STARD13: variants seen among roughly 807,000 people sequenced by gnomAD.
The protein encoded by STARD13 is StAR related lipid transfer domain containing 13.
A neutral mutation model predicts 106.4 loss-of-function variants in STARD13; 62 were observed. The observed-to-expected ratio is 0.58, with a 90% CI of 0.48 to 0.72. The LOEUF is 0.72. STARD13 is among the 30% of genes least tolerant of loss of function. The pLI, the probability that STARD13 is intolerant of heterozygous loss-of-function variation, is 0.00. For synonymous variants in STARD13, 565 were observed against 553.0 expected, an observed-to-expected ratio of 1.02 and a Z score of -0.31; for missense variants, 1,387 against 1,424.0, an observed-to-expected ratio of 0.97 and a Z score of 0.42.
chr13:33,445,326 C>T, the STARD13 span, among the ~76,000 whole-genome samples: 1 of 152,050 alleles, frequency 6.6e-6, no homozygotes, highest in African/African-American at 2.4e-5. Flanking sequence ...CAGAACTCAC[C>T]TGCTGGTTTC....
chr13:33,157,987 AC>A lies in STARD13; in HGVS notation c.323+7349del, dbSNP rs530995498. 4.6e-5 allele frequency among the ~76,000 whole-genome samples: 7 copies of A among 152,330 alleles called. No homozygotes were observed. In the South Asian group the frequency reaches 8.3e-4, roughly 18 times the overall value. On this transcript the variant is annotated intron_variant, in intron 3 of 13. Transcript: ENST00000336934. The stretch of plus-strand genomic sequence containing the variant: ...TTTTCAATTAAGAATTCAATAAAAA[AC>A]ATCAGAATACAATTACAATTGTGGT...
chr13:33,112,764 A>T lies in STARD13; in HGVS notation c.2449T>A (p.Ser817Thr), dbSNP rs1487648797. The change falls in exon 9 of 14, where the codon TCC becomes ACC. Residue 817 changes from serine to threonine, a missense_variant. Ser to Thr is a moderately conservative substitution (Grantham distance 58). Coordinates refer to ENST00000336934, the MANE Select transcript of STARD13 (RefSeq NM_178006.4). The stretch of plus-strand genomic sequence containing the variant: ...TTCAATAAATTAAGATGAAAGAGGG[A>T]GGGGGCCAGACACACTGCCAGGTTC... ...PMNLAVCLAP[S>T]LFHLNLLKKE... 6.2e-7 allele frequency: 1 copy of T among 1,608,862 alleles called. No homozygotes were observed. The highest frequency in any genetic ancestry group is 2.2e-5 in the East Asian group (1 of 44,782).
intron 1 of STARD13, among the ~76,000 whole-genome samples, chr13:33,199,793 A>G (rs946583037): frequency 6.6e-6 from 1 of 152,178 alleles, no homozygotes; most frequent in Admixed American, 6.5e-5. Context: ...TTAGTTTGAG[A>G]AATTGTATCT....
At chr13:33,319,065 T>A (rs1385996129) in intron 1 of STARD13, among the ~76,000 whole-genome samples, 1 of 152,142 alleles carries the variant, frequency 6.6e-6, no homozygotes, top group African/African-American at 2.4e-5. Context: ...CCAAGAAAAT[T>A]AAAAACATTT....
At chr13:33,628,240 T>A in the STARD13 span, among the ~76,000 whole-genome samples, 1 of 151,964 alleles carries the variant, frequency 6.6e-6, no homozygotes, top group Admixed American at 6.6e-5. Flanking sequence ...CTTTTATTTA[T>A]CCCAGAAATT....
At chr13:33,403,178 C>T in the STARD13 span, among the ~76,000 whole-genome samples, 2 of 152,228 alleles carry the variant, frequency 1.3e-5, no homozygotes, top group African/African-American at 4.8e-5. Context: ...CTGCGTGTTC[C>T]CCCTCCTGTC....
the STARD13 span, among the ~76,000 whole-genome samples, chr13:33,534,709 T>C: frequency 6.6e-6 from 1 of 152,166 alleles, no homozygotes; most frequent in African/African-American, 2.4e-5. Context: ...TTCTTCTAAG[T>C]GTCTAGTATA....
chr13:33,544,623 G>C, the STARD13 span, among the ~76,000 whole-genome samples: 2 of 151,842 alleles, frequency 1.3e-5, no homozygotes, highest in Non-Finnish European at 2.9e-5. Flanking sequence ...ATGGGCCTTC[G>C]TGAAAAGAAG....
the STARD13 span, among the ~76,000 whole-genome samples, chr13:33,584,824 T>C: frequency 6.6e-6 from 1 of 151,910 alleles, no homozygotes; most frequent in Non-Finnish European, 1.5e-5. Context: ...GTCCTCATGA[T>C]AGGGAGTGAA....
chr13:33,641,493 C>A, the STARD13 span, among the ~76,000 whole-genome samples: 4 of 152,112 alleles, frequency 2.6e-5, no homozygotes, highest in African/African-American at 7.2e-5. Flanking sequence ...GTTTCTATGA[C>A]CCACCTTGGG....
At chr13:33,153,813 A>G (rs1435524670) in intron 3 of STARD13, among the ~76,000 whole-genome samples, 1 of 152,226 alleles carries the variant, frequency 6.6e-6, no homozygotes, top group Non-Finnish European at 1.5e-5. Context: ...ACTCTTACAG[A>G]CAATTCTGAT....
chr13:33,585,865 T>C, the STARD13 span, among the ~76,000 whole-genome samples: 1 of 152,182 alleles, frequency 6.6e-6, no homozygotes, highest in South Asian at 2.1e-4. Context: ...ATTTCACTCA[T>C]ATGAATTACT....
the STARD13 span, among the ~76,000 whole-genome samples, chr13:33,569,532 A>G: frequency 1.7e-4 from 25 of 147,830 alleles, 3 homozygotes; most frequent in Middle Eastern, 3.5e-3. Flanking sequence ...ATAGTCTTAT[A>G]TAATTAGAGC....
chr13:33,149,320 A>G (rs1325460556), intron 3 of STARD13, among the ~76,000 whole-genome samples: 3 of 152,106 alleles, frequency 2.0e-5, no homozygotes, highest in Non-Finnish European at 2.9e-5. Flanking sequence ...TATATATGAA[A>G]ACTCTCTGTA....
chr13:33,150,293 A>G (rs191655923), intron 3 of STARD13, among the ~76,000 whole-genome samples: 1 of 152,354 alleles, frequency 6.6e-6, no homozygotes. Flanking sequence ...TCTTATTTGC[A>G]TTCTTCATGC....
At position 33,109,937 on chromosome 13, in the gene STARD13, CTGTT is replaced by C. The variant is rs1566528631; in HGVS notation, c.2979_2982del (p.Thr994ArgfsTer7). ...CTGTTCAGCACATACTGGTAGATCT[CTGTT>C]TGCCTGTCTAGAGTTTCCACAACCT... On this transcript the variant is annotated frameshift_variant, in exon 12 of 14. Transcript: ENST00000336934. LOFTEE classifies it high-confidence loss of function. The C allele has an allele frequency of 1.2e-6, 2 of 1,614,268 alleles. No individual in the cohort carries two copies. Among genetic ancestry groups the C allele is most frequent in the East Asian group, 2.2e-5 (1 of 44,890 alleles).
the STARD13 span, among the ~76,000 whole-genome samples, chr13:33,581,351 T>C: frequency 6.6e-6 from 1 of 152,146 alleles, no homozygotes; most frequent in East Asian, 1.9e-4. Flanking sequence ...TTCAAATCAA[T>C]ATTTTTTTTT....
chr13:33,341,032 CTCTT>C (rs2138592239), intron 1 of STARD13, among the ~76,000 whole-genome samples: 1 of 152,300 alleles, frequency 6.6e-6, no homozygotes, highest in South Asian at 2.1e-4. Context: ...TTCAACTCAA[CTCTT>C]TTAGGACTAA....
the STARD13 span, among the ~76,000 whole-genome samples, chr13:33,441,106 C>T: frequency 6.6e-6 from 1 of 152,076 alleles, no homozygotes; most frequent in Non-Finnish European, 1.5e-5. Context: ...TACCTGTTTG[C>T]TCAAATCAGA....
Sources: gnomAD v4.1 joint callset for allele counts (sites outside exome capture counted in the v4.1 genomes callset) on GRCh38, gnomAD v4.1.1 for gene constraint, MANE v1.5 for transcripts, NCBI Gene and HGNC (gene_info 2026-07-23, HGNC 2026-07-21) for gene names.